The following ZBTB20 variants were observed in gnomAD, a reference collection of about 807,000 sequenced individuals.
ZBTB20 encodes zinc finger and BTB domain containing 20.
ZBTB20 carries 9 observed loss-of-function variants against 56.9 expected under a neutral mutation model. That is an observed-to-expected ratio of 0.16 (90% CI 0.10 to 0.28). ZBTB20 has a LOEUF of 0.28. Among genes scored for constraint, ZBTB20 ranks in the 10% least tolerant of loss-of-function variants. The pLI is 1.00. For missense variants in ZBTB20, 655 were observed against 1,003.0 expected (o/e 0.65, Z 4.69); for synonymous variants, 417 against 420.7 (o/e 0.99, Z 0.11).
intron 5 of ZBTB20, among the ~76,000 whole-genome samples, chr3:114,736,277 G>A (rs1466770241): frequency 6.6e-6 from 1 of 152,154 alleles, no homozygotes; most frequent in South Asian, 2.1e-4. Flanking sequence ...TGCTTAGCAT[G>A]TTGCCTGGCA....
chr3:114,842,627 A>G (rs2074431363), intron 4 of ZBTB20, among the ~76,000 whole-genome samples: 1 of 152,340 alleles, frequency 6.6e-6, no homozygotes, highest in Middle Eastern at 3.4e-3. Context: ...GAAGAGGTTA[A>G]GGAACACTTC....
At chr3:115,075,862 T>C (rs1010083639) in intron 1 of ZBTB20, among the ~76,000 whole-genome samples, 4 of 152,114 alleles carry the variant, frequency 2.6e-5, no homozygotes, top group African/African-American at 9.7e-5. Context: ...GAGTCTATGC[T>C]TTTATATACA....
intron 4 of ZBTB20, among the ~76,000 whole-genome samples, chr3:114,850,570 G>A (rs2074948998): frequency 6.6e-6 from 1 of 152,162 alleles, no homozygotes; most frequent in South Asian, 2.1e-4. Context: ...TACAGACGAG[G>A]AAACTAAAGC....
chr3:114,805,549 C>T (rs954030475), intron 4 of ZBTB20, among the ~76,000 whole-genome samples: 2 of 151,588 alleles, frequency 1.3e-5, no homozygotes, highest in African/African-American at 4.8e-5. Flanking sequence ...ACCTTGGTCG[C>T]TTGCTTAGGA....
At chr3:115,015,513 C>G (rs1338002780) in intron 2 of ZBTB20, among the ~76,000 whole-genome samples, 2 of 151,700 alleles carry the variant, frequency 1.3e-5, no homozygotes, top group Non-Finnish European at 2.9e-5. Context: ...TCCCCCTCCC[C>G]ATGTGTCCAT....
chr3:114,700,423 C>T (rs1438659671), intron 5 of ZBTB20, among the ~76,000 whole-genome samples: 2 of 152,010 alleles, frequency 1.3e-5, no homozygotes, highest in South Asian at 2.1e-4. Flanking sequence ...CTATAGGCTT[C>T]CCTATAGAAA....
chr3:114,850,544 A>G (rs765919647), intron 4 of ZBTB20, among the ~76,000 whole-genome samples: 5 of 152,214 alleles, frequency 3.3e-5, no homozygotes. Flanking sequence ...AGTGATTACT[A>G]TTATTTTCTC....
At chr3:114,658,258 G>A (rs547350996) in intron 6 of ZBTB20, 5 of 152,176 alleles carry the variant, frequency 3.3e-5, no homozygotes, top group Non-Finnish European at 4.4e-5. Flanking sequence ...AATCATGACA[G>A]AGAAGTTGAA....
At chr3:114,359,353 GT>G (rs1280101570) in intron 10 of ZBTB20, 2 of 152,138 alleles carry the variant, frequency 1.3e-5, no homozygotes, top group South Asian at 2.1e-4. Context: ...TTACAGTACA[GT>G]TTGTGAAAAT....
At chr3:114,487,941 C>T (rs1302032882) in intron 7 of ZBTB20, among the ~76,000 whole-genome samples, 1 of 152,108 alleles carries the variant, frequency 6.6e-6, no homozygotes, top group Non-Finnish European at 1.5e-5. Context: ...TCAATCCTGC[C>T]CTGGAGACAT....
At chr3:114,425,352 C>G (rs886636932) in intron 7 of ZBTB20, among the ~76,000 whole-genome samples, 1 of 152,162 alleles carries the variant, frequency 6.6e-6, no homozygotes, top group African/African-American at 2.4e-5. Context: ...CACTTGAAGT[C>G]CTATTTCTTC....
intron 7 of ZBTB20, among the ~76,000 whole-genome samples, chr3:114,450,142 C>G (rs1447303211): frequency 6.6e-6 from 1 of 152,178 alleles, no homozygotes; most frequent in Non-Finnish European, 1.5e-5. Context: ...TGAGTAGACT[C>G]ACAGAAGGTG....
At chr3:114,812,919 G>A (rs1461535425) in intron 4 of ZBTB20, among the ~76,000 whole-genome samples, 1 of 152,058 alleles carries the variant, frequency 6.6e-6, no homozygotes, top group Non-Finnish European at 1.5e-5. Context: ...TCACTGCCCG[G>A]GGCCGGTGGG....
At chr3:114,343,077 A>G (rs1342059963) in intron 11 of ZBTB20, among the ~76,000 whole-genome samples, 1 of 151,618 alleles carries the variant, frequency 6.6e-6, no homozygotes, top group Non-Finnish European at 1.5e-5. Context: ...CAATTTTTCA[A>G]TGCCTGCTCA....
intron 2 of ZBTB20, among the ~76,000 whole-genome samples, chr3:114,996,601 C>T (rs935648886): frequency 6.6e-6 from 1 of 151,978 alleles, no homozygotes; most frequent in Non-Finnish European, 1.5e-5. Flanking sequence ...TTTATCCAGT[C>T]TATCATTGAT....
At chr3:114,373,568 G>T (rs898584470) in intron 10 of ZBTB20, among the ~76,000 whole-genome samples, 7 of 151,982 alleles carry the variant, frequency 4.6e-5, no homozygotes, top group Non-Finnish European at 7.4e-5. Flanking sequence ...ACTCCTTTAT[G>T]ATCCAGTTTA....
At chr3:115,062,484 C>A (rs1281890635) in intron 2 of ZBTB20, among the ~76,000 whole-genome samples, 1 of 152,086 alleles carries the variant, frequency 6.6e-6, no homozygotes, top group Non-Finnish European at 1.5e-5. Flanking sequence ...GCCTCTGCCT[C>A]TCTTATGTCT....
At chr3:114,767,368 T>TA (rs2068858592) in intron 5 of ZBTB20, among the ~76,000 whole-genome samples, 1 of 151,864 alleles carries the variant, frequency 6.6e-6, no homozygotes, top group Non-Finnish European at 1.5e-5. Flanking sequence ...GGGATGGTGA[T>TA]AAAATGAATA....
intron 3 of ZBTB20, among the ~76,000 whole-genome samples, chr3:114,960,816 C>T (rs974866771): frequency 4.0e-5 from 6 of 151,830 alleles, no homozygotes; most frequent in African/African-American, 1.5e-4. Flanking sequence ...CTGCAAAGGA[C>T]ATAGTGAGGA....
Sources: gnomAD v4.1 joint callset for allele counts (sites outside exome capture counted in the v4.1 genomes callset) on GRCh38, gnomAD v4.1.1 for gene constraint, MANE v1.5 for transcripts, NCBI Gene and HGNC (gene_info 2026-07-23, HGNC 2026-07-21) for gene names.